Variants in IMMP2L observed in about 807,000 individuals in gnomAD.
IMMP2L encodes mitochondrial inner membrane protease subunit 2.
Under a neutral mutation model 19.3 loss-of-function variants are expected in IMMP2L, and 18 were observed. That is an observed-to-expected ratio of 0.93 (90% CI 0.64 to 1.38). The LOEUF is 1.38. Among genes scored for constraint, IMMP2L ranks in the 40% most tolerant of loss-of-function variants. IMMP2L has a pLI of 0.00. For missense variants in IMMP2L, 233 were observed against 218.2 expected, an observed-to-expected ratio of 1.07 and a Z score of -0.43; for synonymous variants, 76 against 73.0, an observed-to-expected ratio of 1.04 and a Z score of -0.21.
intron 2 of IMMP2L, among the ~76,000 whole-genome samples, chr7:111,511,927 A>G (rs954385218): frequency 6.6e-6 from 1 of 152,104 alleles, no homozygotes; most frequent in African/African-American, 2.4e-5. Context: ...TGAGAGTGCA[A>G]GTGGTGCCAG....
At chr7:110,844,394 G>A (rs895125896) in intron 5 of IMMP2L, among the ~76,000 whole-genome samples, 1 of 152,048 alleles carries the variant, frequency 6.6e-6, no homozygotes, top group African/African-American at 2.4e-5. Flanking sequence ...GAGAGAAAAT[G>A]TTTCAGACAG....
At chr7:110,672,375 T>G (rs1261665915) in intron 5 of IMMP2L, among the ~76,000 whole-genome samples, 1 of 152,100 alleles carries the variant, frequency 6.6e-6, no homozygotes, top group African/African-American at 2.4e-5. Flanking sequence ...TTGTGGGAAT[T>G]ACAATTCAGG....
At chr7:111,531,063 T>C (rs1032185365) in intron 1 of IMMP2L, among the ~76,000 whole-genome samples, 1 of 151,766 alleles carries the variant, frequency 6.6e-6, no homozygotes, top group Non-Finnish European at 1.5e-5. Context: ...GCCATCCTCC[T>C]GTCTCAGCCT....
chr7:110,696,425 CTTTTTTTT>C (rs374621101), intron 5 of IMMP2L, among the ~76,000 whole-genome samples: 1 of 119,860 alleles, frequency 8.3e-6, no homozygotes, highest in Non-Finnish European at 1.7e-5. Context: ...TCCTTTTTCT[CTTTTTTTT>C]TTTTTTTTTT....
intron 3 of IMMP2L, among the ~76,000 whole-genome samples, chr7:111,317,887 T>C (rs1239966450): frequency 6.6e-6 from 1 of 152,164 alleles, no homozygotes; most frequent in Non-Finnish European, 1.5e-5. Context: ...CCAGGAAAGG[T>C]TCAATAAAAT....
At chr7:111,091,429 T>C (rs2129577888) in intron 3 of IMMP2L, 1 of 152,304 alleles carries the variant, frequency 6.6e-6, no homozygotes, top group Admixed American at 6.5e-5. Context: ...ACCATGTGAT[T>C]ATCTCAACCA....
intron 4 of IMMP2L, among the ~76,000 whole-genome samples, chr7:110,940,287 C>G (rs1364679096): frequency 6.6e-6 from 1 of 150,850 alleles, no homozygotes; most frequent in Non-Finnish European, 1.5e-5. Context: ...CCACTGCACT[C>G]CAGCCTGGGC....
At chr7:111,414,388 G>A (rs1585009528) in intron 3 of IMMP2L, among the ~76,000 whole-genome samples, 1 of 151,902 alleles carries the variant, frequency 6.6e-6, no homozygotes, top group Non-Finnish European at 1.5e-5. Context: ...AAGAGTCTTA[G>A]CCAGCATACT....
chr7:111,335,456 T>C (rs1253014798), intron 3 of IMMP2L, among the ~76,000 whole-genome samples: 1 of 152,044 alleles, frequency 6.6e-6, no homozygotes, highest in Admixed American at 6.6e-5. Flanking sequence ...TAATATTATA[T>C]AGAACAACTC....
chr7:111,405,427 T>C (rs1362243737), intron 3 of IMMP2L, among the ~76,000 whole-genome samples: 1 of 152,092 alleles, frequency 6.6e-6, no homozygotes, highest in Non-Finnish European at 1.5e-5. Context: ...TAAAAATTAT[T>C]ATTAGAACTT....
At position 111,285,879 on chromosome 7, in the gene IMMP2L, C is replaced by T. The variant is rs1042956587; in HGVS notation, c.239+201359G>A. Among the ~76,000 whole-genome samples the T allele has an allele frequency of 2.0e-5, 3 of 152,158 alleles. No individual in the cohort carries two copies. In the South Asian group the frequency reaches 6.2e-4, roughly 32 times the overall value. ...TAAATACAAAGTAATGTGCTTAATA[C>T]TTCTGCATGATAAAGAATGAGAGAC... On this transcript the variant is annotated intron_variant, in intron 3 of 5. Transcript: ENST00000405709.
chr7:111,518,817 A>C (rs1391959311), intron 2 of IMMP2L, among the ~76,000 whole-genome samples: 3 of 152,148 alleles, frequency 2.0e-5, no homozygotes, highest in Non-Finnish European at 4.4e-5. Context: ...CAATTGTAAA[A>C]ACATATTTTC....
intron 3 of IMMP2L, among the ~76,000 whole-genome samples, chr7:111,036,727 A>G (rs1317873266): frequency 1.3e-5 from 2 of 152,142 alleles, no homozygotes; most frequent in African/African-American, 4.8e-5. Flanking sequence ...GTTGAATTCT[A>G]TCATATATTC....
intron 3 of IMMP2L, among the ~76,000 whole-genome samples, chr7:111,419,509 G>A (rs562932468): frequency 2.6e-5 from 4 of 151,798 alleles, no homozygotes; most frequent in East Asian, 3.9e-4. Flanking sequence ...AAATAAATGT[G>A]TATCTGATTG....
intron 3 of IMMP2L, among the ~76,000 whole-genome samples, chr7:111,106,041 A>G (rs905725600): frequency 1.3e-5 from 2 of 152,000 alleles, no homozygotes; most frequent in African/African-American, 4.8e-5. Flanking sequence ...TCTTAGAAAC[A>G]TATTTGTAAT....
chr7:111,278,544 T>C (rs1256738490), intron 3 of IMMP2L, among the ~76,000 whole-genome samples: 2 of 152,164 alleles, frequency 1.3e-5, no homozygotes, highest in Non-Finnish European at 2.9e-5. Context: ...ATCATTCCAG[T>C]TTCTCTCTAC....
intron 3 of IMMP2L, among the ~76,000 whole-genome samples, chr7:111,215,029 CA>C (rs1811787027): frequency 6.6e-6 from 1 of 152,148 alleles, no homozygotes. Flanking sequence ...CTCATTCCCA[CA>C]TATCACCGCA....
At chr7:110,814,612 A>G (rs1378593711) in intron 5 of IMMP2L, among the ~76,000 whole-genome samples, 1 of 149,562 alleles carries the variant, frequency 6.7e-6, no homozygotes, top group African/African-American at 2.4e-5. Context: ...TTTTTCTTCT[A>G]TTTCTTTTAT....
chr7:110,678,444 T>C (rs1028702844), intron 5 of IMMP2L, among the ~76,000 whole-genome samples: 7 of 152,014 alleles, frequency 4.6e-5, no homozygotes, highest in Non-Finnish European at 1.5e-5. Context: ...TCTTTAAATA[T>C]AAGAAAAGGT....
Sources: allele counts gnomAD v4.1 joint callset (sites outside exome capture counted in the v4.1 genomes callset), GRCh38; gene constraint gnomAD v4.1.1; transcripts MANE v1.5; gene names NCBI Gene and HGNC (gene_info 2026-07-23, HGNC 2026-07-21).